Variants in C18orf63 observed in about 807,000 individuals in gnomAD.
C18orf63 encodes uncharacterized protein C18orf63.
C18orf63 carries 50 observed loss-of-function variants against 75.3 expected under a neutral mutation model. The observed-to-expected ratio is 0.66, with a 90% CI of 0.53 to 0.84. C18orf63 has a LOEUF of 0.84. C18orf63 is among the 40% of genes least tolerant of loss of function. C18orf63 has a pLI of 0.00. For missense variants in C18orf63, 732 were observed against 800.2 expected (o/e 0.91, Z 1.03); for synonymous variants, 232 against 267.6 (o/e 0.87, Z 1.30).
chr18:74,321,015 A>G (rs1217836526), intron 3 of C18orf63, among the ~76,000 whole-genome samples: 1 of 152,180 alleles, frequency 6.6e-6, no homozygotes, highest in Non-Finnish European at 1.5e-5. Flanking sequence ...TTATTTTTAC[A>G]CTTAAAATTT....
intron 7 of C18orf63, 76 bp from the exon 8 acceptor site, chr18:74,338,639 C>A: frequency 1.8e-6 from 1 of 567,376 alleles, no homozygotes. Flanking sequence ...GTGTGTGTAA[C>A]AAATATGTAT....
intron 4 of C18orf63, among the ~76,000 whole-genome samples, chr18:74,324,151 G>A (rs531449997): frequency 1.3e-5 from 2 of 152,228 alleles, no homozygotes; most frequent in Non-Finnish European, 2.9e-5. Flanking sequence ...TAAATGACGC[G>A]GTACAAAAGC....
At chr18:74,347,575 C>T (rs947010397) in intron 11 of C18orf63, among the ~76,000 whole-genome samples, 1 of 152,132 alleles carries the variant, frequency 6.6e-6, no homozygotes, top group African/African-American at 2.4e-5. Flanking sequence ...TTTTGCAGTA[C>T]TTACTTCAGA....
chr18:74,327,516 C>T (rs569319099), intron 4 of C18orf63, among the ~76,000 whole-genome samples: 1 of 152,296 alleles, frequency 6.6e-6, no homozygotes, highest in East Asian at 1.9e-4. Flanking sequence ...CTCCCCAGTT[C>T]ATTTGCATCT....
rs745990778 is a variant in C18orf63, at chr18:74,353,342, C to A, written c.1075C>A (p.Leu359Ile). Residue 359 changes from leucine (L) to isoleucine (I), a missense_variant, in exon 12 of 14, where the codon CTT (leucine) becomes ATT (isoleucine). Leu to Ile is a conservative substitution (Grantham distance 5, BLOSUM62 2). This residue lies in a region of C18orf63 where 495 missense variants were observed against 508.7 expected (regional missense o/e 0.97). Transcript: ENST00000579455. The stretch of plus-strand genomic sequence containing the variant: ...CAGAAAGCCTGCCTGTGCTCAAAGT[C>A]TTCTACCATGTTCAGTAGCAGTGGA... ...TSRKPACAQS[L>I]LPCSVAVDHK... is the part of the protein sequence containing the mutation. 1.3e-6 allele frequency: 2 copies of A among 1,536,508 alleles called. No individual in the cohort carries two copies. The highest frequency in any genetic ancestry group is 1.2e-5 in the South Asian group (1 of 84,046).
chr18:74,345,547 A>G (rs1984560459), intron 11 of C18orf63, among the ~76,000 whole-genome samples: 2 of 152,042 alleles, frequency 1.3e-5, no homozygotes, highest in Non-Finnish European at 2.9e-5. Flanking sequence ...GTTGGAATTT[A>G]TTTTTGTAAT....
rs183850703 is a variant in C18orf63, at chr18:74,354,172, G to A, written c.1905G>A (p.Arg635=). 2.0e-5 allele frequency: 31 copies of A among 1,536,226 alleles called. No homozygotes were observed. The East Asian group carries it at 7.1e-4, about 35-fold the overall frequency. The part of the protein sequence containing the change: ...HRLIVSKIAH[R]SKRKLCPESS... The stretch of plus-strand genomic sequence containing the variant: ...TGATAGTAAGCAAAATAGCCCACAG[G>A]TCTAAAAGAAAATTATGTCCAGAGT... The change falls in exon 12 of 14, where the codon AGG becomes AGA. Residue 635 remains arginine (R), a synonymous_variant. Coordinates refer to ENST00000579455, the MANE Select transcript of C18orf63 (RefSeq NM_001174123.2).
At chr18:74,320,829 A>G (rs1272077244) in intron 3 of C18orf63, among the ~76,000 whole-genome samples, 1 of 152,178 alleles carries the variant, frequency 6.6e-6, no homozygotes, top group African/African-American at 2.4e-5. Flanking sequence ...TAAGATAAAG[A>G]CTGTTAATGA....
chr18:74,349,997 C>G (rs1984639676), intron 11 of C18orf63, among the ~76,000 whole-genome samples: 1 of 152,092 alleles, frequency 6.6e-6, no homozygotes, highest in African/African-American at 2.4e-5. Flanking sequence ...TATAGGAGCA[C>G]AAGGAGGAGG....
intron 1 of C18orf63, among the ~76,000 whole-genome samples, chr18:74,317,484 TA>T (rs1984045412): frequency 6.6e-6 from 1 of 152,208 alleles, no homozygotes; most frequent in African/African-American, 2.4e-5. Flanking sequence ...TTTTGACTTT[TA>T]AAAAATAGTT....
At chr18:74,316,688 C>T (rs977558624) in intron 1 of C18orf63, among the ~76,000 whole-genome samples, 1 of 152,128 alleles carries the variant, frequency 6.6e-6, no homozygotes, top group South Asian at 2.1e-4. Context: ...GGAGCGACTC[C>T]CTGGACAGGA....
Position 74,353,912 on chromosome 18 carries a change from G to A in C18orf63, c.1645G>A (p.Val549Met), listed in dbSNP as rs1366801356. 23 of 1,535,898 alleles carry A rather than the reference G, an allele frequency of 1.5e-5. No homozygotes were observed. The highest frequency in any genetic ancestry group is 2.0e-5 in the Non-Finnish European group (23 of 1,146,816). The change falls in exon 12 of 14, where the codon GTG (valine) becomes ATG (methionine). Residue 549 changes from valine (V) to methionine (M), a missense_variant. Transcript: ENST00000579455. ...GCAACTATCTAATAGTGCAGTATTT[G>A]TGGTGTCAAATAACAATTTAGGGGT... ...NKQLSNSAVFVVSNNNLGVVK... is the reference protein window; with the variant it reads ...NKQLSNSAVFMVSNNNLGVVK...
chr18:74,342,455 C>T (rs1984505057), intron 10 of C18orf63, 129 bp downstream of exon 10: 1 of 605,838 alleles, frequency 1.7e-6, no homozygotes, highest in Admixed American at 2.9e-5. Context: ...TACATTTCCT[C>T]CTACTTCTTA....
At chr18:74,329,386 A>C (rs916367910) in intron 6 of C18orf63, among the ~76,000 whole-genome samples, 10 of 151,822 alleles carry the variant, frequency 6.6e-5, no homozygotes, top group Admixed American at 2.6e-4. Context: ...AAAAAAAAAA[A>C]AAAAAAAAAA....
At chr18:74,354,727 C>A (rs1984734683) in intron 13 of C18orf63, among the ~76,000 whole-genome samples, 181 bp downstream of exon 13, 1 of 152,162 alleles carries the variant, frequency 6.6e-6, no homozygotes, top group Non-Finnish European at 1.5e-5. Flanking sequence ...CCATACACAG[C>A]AGCTGTTTTG....
chr18:74,341,097 T>C (rs1005335025), intron 8 of C18orf63, among the ~76,000 whole-genome samples: 2 of 150,748 alleles, frequency 1.3e-5, no homozygotes, highest in African/African-American at 4.9e-5. Context: ...ACCCCGTCTC[T>C]ACTAAAAATA....
At chr18:74,333,355 C>T (rs1205223435) in intron 7 of C18orf63, among the ~76,000 whole-genome samples, 6 of 152,108 alleles carry the variant, frequency 3.9e-5, no homozygotes, top group Non-Finnish European at 8.8e-5. Context: ...GTTATTCATC[C>T]CAATTTTACC....
intron 7 of C18orf63, among the ~76,000 whole-genome samples, chr18:74,335,774 A>G (rs1332677752): frequency 2.6e-5 from 4 of 152,228 alleles, no homozygotes. Flanking sequence ...TCCTCCCAGA[A>G]TGTTTTATCT....
chr18:74,326,425 T>G (rs1252263904), intron 4 of C18orf63, among the ~76,000 whole-genome samples: 1 of 152,330 alleles, frequency 6.6e-6, no homozygotes, highest in African/African-American at 2.4e-5. Context: ...CTTGGGTAGC[T>G]TCCTCACATG....
Sources: gnomAD v4.1 joint callset for allele counts (sites outside exome capture counted in the v4.1 genomes callset) on GRCh38, gnomAD v4.1.1 for gene constraint, gnomAD v4.1.1 regional missense constraint, MANE v1.5 for transcripts, NCBI Gene and HGNC (gene_info 2026-07-23, HGNC 2026-07-21) for gene names.